The following METTL25 variants were observed in gnomAD, a reference collection of about 807,000 sequenced individuals.
METTL25 encodes probable methyltransferase-like protein 25.
In METTL25, 64 loss-of-function variants were observed where a neutral mutation model predicts 71.6. The observed-to-expected ratio is 0.89, with a 90% CI of 0.73 to 1.10. The LOEUF is 1.10. Ranked by LOEUF, METTL25 falls within the 50% of genes least tolerant of loss-of-function variation. METTL25 has a pLI of 0.00. For synonymous variants in METTL25, 287 were observed against 250.3 expected (o/e 1.15, Z -1.38); for missense variants, 807 against 707.0 (o/e 1.14, Z -1.60).
chr12:82,437,083 G>A (rs1048057635), intron 7 of METTL25, among the ~76,000 whole-genome samples: 2 of 151,524 alleles, frequency 1.3e-5, no homozygotes, highest in African/African-American at 2.4e-5. Flanking sequence ...TTCAAGATGA[G>A]AAAATCTCAA....
chr12:82,361,428 C>A (rs1881870060), intron 1 of METTL25, among the ~76,000 whole-genome samples: 1 of 152,218 alleles, frequency 6.6e-6, no homozygotes, highest in South Asian at 2.1e-4. Flanking sequence ...CTCCTCAGCC[C>A]TTGGGCGGTC....
At chr12:82,398,656 T>G in intron 3 of METTL25, 139 bp from the exon 4 acceptor site, 1 of 435,206 alleles carries the variant, frequency 2.3e-6, no homozygotes, top group Admixed American at 4.4e-5. Context: ...TGATGAGTGG[T>G]TGGTTTTTCA....
chr12:82,369,256 T>C (rs899356880), intron 1 of METTL25, among the ~76,000 whole-genome samples: 4 of 152,146 alleles, frequency 2.6e-5, no homozygotes, highest in African/African-American at 9.7e-5. Context: ...CACTGTGTTA[T>C]GATGATTTGT....
intron 6 of METTL25, among the ~76,000 whole-genome samples, chr12:82,434,252 A>G (rs1437105173): frequency 6.6e-6 from 1 of 151,410 alleles, no homozygotes; most frequent in Admixed American, 6.6e-5. Flanking sequence ...GTTCACTAAA[A>G]GATGAAATCA....
At chr12:82,386,747 C>G in intron 1 of METTL25, 56 bp from the exon 2 acceptor site, 1 of 1,349,930 alleles carries the variant, frequency 7.4e-7, no homozygotes, top group Non-Finnish European at 1.0e-6. Context: ...TTATTAATAT[C>G]ACACTAATTA....
Position 82,452,901 on chromosome 12 carries a change from A to G in METTL25, c.1479-3826A>G, listed in dbSNP as rs983503364. Among the ~76,000 whole-genome samples, 4 of 152,178 alleles carry G rather than the reference A, an allele frequency of 2.6e-5. No homozygotes were observed. In the East Asian group the frequency reaches 7.7e-4, roughly 29 times the overall value. On this transcript the variant is annotated intron_variant, in intron 8 of 11. Coordinates refer to ENST00000248306, the MANE Select transcript of METTL25 (RefSeq NM_032230.3). ...TAACAACACCATTCTACTGATGATC[A>G]AGAAGAGGCAAAGAGGTTGTATAAG...
chr12:82,438,856 TC>T, intron 8 of METTL25, 65 bp downstream of exon 8: 2 of 1,390,796 alleles, frequency 1.4e-6, no homozygotes, highest in Non-Finnish European at 1.9e-6. Flanking sequence ...CTTTTAGTCT[TC>T]AGGTGAATTT....
intron 3 of METTL25, among the ~76,000 whole-genome samples, chr12:82,391,444 C>G (rs1475889881): frequency 4.6e-5 from 7 of 151,934 alleles, no homozygotes; most frequent in Non-Finnish European, 8.8e-5. Context: ...GTCTTAATCA[C>G]TTTCTAGCCA....
At chr12:82,463,708 A>G (rs140345842) in intron 9 of METTL25, among the ~76,000 whole-genome samples, 21 of 152,092 alleles carry the variant, frequency 1.4e-4, no homozygotes, top group African/African-American at 4.3e-4. Flanking sequence ...CCAACAGTCT[A>G]TAGGAGTTCC....
At chr12:82,474,162 G>A (rs767878100) in intron 9 of METTL25, among the ~76,000 whole-genome samples, 7 of 152,148 alleles carry the variant, frequency 4.6e-5, no homozygotes, top group Non-Finnish European at 8.8e-5. Flanking sequence ...TAGAAAGGAT[G>A]GTAAGTGTTT....
intron 9 of METTL25, among the ~76,000 whole-genome samples, chr12:82,461,310 C>T (rs1451831557): frequency 6.6e-6 from 1 of 152,108 alleles, no homozygotes; most frequent in Non-Finnish European, 1.5e-5. Context: ...CAAACCTTTG[C>T]TTTGTGCCAG....
chr12:82,413,546 G>A (rs886880506), intron 5 of METTL25, among the ~76,000 whole-genome samples: 5 of 151,974 alleles, frequency 3.3e-5, no homozygotes, highest in East Asian at 1.9e-4. Context: ...TGCTTTGACC[G>A]ACTAGCGTTC....
intron 3 of METTL25, among the ~76,000 whole-genome samples, chr12:82,391,832 G>A (rs1885617661): frequency 6.7e-6 from 1 of 149,542 alleles, no homozygotes; most frequent in Non-Finnish European, 1.5e-5. Context: ...CATAATGGCT[G>A]TCTAATTTAC....
At chr12:82,380,674 A>G (rs1364519612) in intron 1 of METTL25, among the ~76,000 whole-genome samples, 1 of 152,194 alleles carries the variant, frequency 6.6e-6, no homozygotes, top group Non-Finnish European at 1.5e-5. Context: ...TTCCTCGTTC[A>G]TTCATTGAGT....
intron 8 of METTL25, among the ~76,000 whole-genome samples, chr12:82,453,816 A>G (rs1358196849): frequency 6.6e-5 from 10 of 151,964 alleles, no homozygotes; most frequent in Admixed American, 6.6e-4. Context: ...GCTAGCTGAG[A>G]TATTATTTAT....
chr12:82,478,956 G>A lies in METTL25; in HGVS notation c.1744G>A (p.Val582Met). The change falls in exon 12 of 12, where the codon GTG becomes ATG. Residue 582 changes from valine to methionine, a missense_variant. Transcript: ENST00000248306. ...EQEDIAWSAL[V>M]KLFDPVKSPR... ...GGAAGATATTGCATGGTCTGCTCTTGTGAAGTTGTTTGATCCCGTGAAATC... is the reference window on the plus strand; with the variant it reads ...GGAAGATATTGCATGGTCTGCTCTTATGAAGTTGTTTGATCCCGTGAAATC... 1.9e-6 allele frequency: 3 copies of A among 1,612,464 alleles called. No homozygotes were observed. The highest frequency in any genetic ancestry group is 2.5e-6 in the Non-Finnish European group (3 of 1,178,874).
chr12:82,457,923 T>C (rs1014298962), intron 9 of METTL25, among the ~76,000 whole-genome samples: 1 of 152,162 alleles, frequency 6.6e-6, no homozygotes, highest in South Asian at 2.1e-4. Context: ...ACCTGACTGA[T>C]CTTCCTTCCA....
chr12:82,435,448 G>A, intron 7 of METTL25, among the ~76,000 whole-genome samples: 1 of 151,376 alleles, frequency 6.6e-6, no homozygotes, highest in East Asian at 1.9e-4. Flanking sequence ...TAAGCATTTT[G>A]TATGTAATTA....
intron 1 of METTL25, among the ~76,000 whole-genome samples, chr12:82,362,520 T>G (rs1882066416): frequency 6.6e-6 from 1 of 152,188 alleles, no homozygotes; most frequent in Non-Finnish European, 1.5e-5. Context: ...CTTGGTGCAT[T>G]TTAAACACAG....
Sources: gnomAD v4.1 joint callset for allele counts (sites outside exome capture counted in the v4.1 genomes callset) on GRCh38, gnomAD v4.1.1 for gene constraint, MANE v1.5 for transcripts, NCBI Gene and HGNC (gene_info 2026-07-23, HGNC 2026-07-21) for gene names.